The following SNTG1 variants were observed in gnomAD, a reference collection of about 807,000 sequenced individuals.
SNTG1 encodes syntrophin gamma 1.
SNTG1 carries 39 observed loss-of-function variants against 74.7 expected under a neutral mutation model. The ratio of observed to expected loss-of-function variants is 0.52; its 90% CI spans 0.40 to 0.68. The LOEUF (loss-of-function observed/expected upper bound fraction) is 0.68, where lower values mean the gene tolerates loss of function less well. Among genes scored for constraint, SNTG1 ranks in the 30% least tolerant of loss-of-function variants. The pLI, the probability that SNTG1 is intolerant of heterozygous loss-of-function variation, is 0.00. For missense variants in SNTG1, 685 were observed against 609.5 expected (o/e 1.12, Z -1.30); for synonymous variants, 254 against 217.1 (o/e 1.17, Z -1.49).
chr8:50,081,813 AG>A (rs1822442106), intron 1 of SNTG1, among the ~76,000 whole-genome samples: 1 of 151,946 alleles, frequency 6.6e-6, no homozygotes, highest in Admixed American at 6.6e-5. Flanking sequence ...TTGTATTTTT[AG>A]TAGAGAGGAG....
intron 2 of SNTG1, among the ~76,000 whole-genome samples, chr8:50,259,315 A>G (rs1214703203): frequency 6.6e-6 from 1 of 152,012 alleles, no homozygotes; most frequent in Non-Finnish European, 1.5e-5. Flanking sequence ...CCCGGCCAAC[A>G]TGGCAAAATT....
intron 9 of SNTG1, among the ~76,000 whole-genome samples, chr8:50,503,824 A>G: frequency 6.6e-6 from 1 of 152,218 alleles, no homozygotes; most frequent in East Asian, 1.9e-4. Context: ...GCTATAATAA[A>G]TAAAGCTGCT....
intron 2 of SNTG1, among the ~76,000 whole-genome samples, chr8:50,317,871 C>G (rs1025346877): frequency 4.6e-5 from 7 of 152,112 alleles, no homozygotes; most frequent in African/African-American, 1.7e-4. Flanking sequence ...GAGTCTCGCT[C>G]TGTCGCCCAG....
At chr8:50,138,423 G>T (rs962691900) in intron 1 of SNTG1, among the ~76,000 whole-genome samples, 2 of 151,626 alleles carry the variant, frequency 1.3e-5, no homozygotes, top group African/African-American at 2.4e-5. Flanking sequence ...TTCAATACCA[G>T]CCTGGCCAAT....
chr8:50,707,195 A>G (rs2095446178), intron 16 of SNTG1, among the ~76,000 whole-genome samples: 1 of 152,092 alleles, frequency 6.6e-6, no homozygotes. Context: ...AATGCTGAAC[A>G]TAATAAAAAA....
chr8:50,513,330 G>C (rs778420619), intron 9 of SNTG1, among the ~76,000 whole-genome samples: 2 of 152,192 alleles, frequency 1.3e-5, no homozygotes, highest in Non-Finnish European at 2.9e-5. Flanking sequence ...GCCCCTACTG[G>C]GGGGTGCCTC....
rs1446685451 is a variant in SNTG1, at chr8:50,389,320, A to G, written c.-27-4892A>G. 2.0e-5 allele frequency among the ~76,000 whole-genome samples: 3 copies of G among 152,156 alleles called. No homozygotes were observed. In the East Asian group the frequency reaches 5.8e-4, roughly 29 times the overall value. ...TGGGATTGCACAACTGAGCACATGA[A>G]TGATTGGTTATTGGAAACTATGTTT... On this transcript the variant is annotated intron_variant, in intron 2 of 18. Transcript: ENST00000642720.
intron 13 of SNTG1, among the ~76,000 whole-genome samples, chr8:50,648,027 A>T (rs1250597264): frequency 6.6e-6 from 1 of 152,150 alleles, no homozygotes; most frequent in East Asian, 1.9e-4. Flanking sequence ...CCTGGCAATG[A>T]TGGAAAAGGA....
intron 1 of SNTG1, among the ~76,000 whole-genome samples, chr8:50,116,278 CT>C (rs1047135090): frequency 6.6e-6 from 1 of 152,074 alleles, no homozygotes; most frequent in South Asian, 2.1e-4. Flanking sequence ...TTCCAAATGC[CT>C]TTTTTTCTAC....
At chr8:50,255,381 C>T (rs2086835352) in intron 2 of SNTG1, among the ~76,000 whole-genome samples, 1 of 152,152 alleles carries the variant, frequency 6.6e-6, no homozygotes, top group African/African-American at 2.4e-5. Context: ...ATCACACTTT[C>T]CAACCATGTC....
intron 2 of SNTG1, among the ~76,000 whole-genome samples, chr8:50,309,796 T>A (rs1296709840): frequency 1.3e-5 from 2 of 152,194 alleles, no homozygotes; most frequent in Non-Finnish European, 2.9e-5. Context: ...TTTTAAGACC[T>A]TAGAAGCTAA....
At chr8:50,774,622 C>T (rs971692954) in intron 18 of SNTG1, among the ~76,000 whole-genome samples, 5 of 151,672 alleles carry the variant, frequency 3.3e-5, no homozygotes, top group Non-Finnish European at 4.4e-5. Flanking sequence ...TGAATACACA[C>T]TTAGAAATAA....
chr8:50,376,953 G>A (rs532146149), intron 2 of SNTG1, among the ~76,000 whole-genome samples: 14 of 152,002 alleles, frequency 9.2e-5, no homozygotes, highest in Non-Finnish European at 1.9e-4. Flanking sequence ...CTTCTGGAAG[G>A]TCAAAAGGAA....
At chr8:50,570,934 C>T (rs906269188) in intron 12 of SNTG1, among the ~76,000 whole-genome samples, 60 of 152,110 alleles carry the variant, frequency 3.9e-4, no homozygotes, top group African/African-American at 1.3e-3. Context: ...AGAACCTCCA[C>T]ACAGTTTTCC....
intron 11 of SNTG1, among the ~76,000 whole-genome samples, chr8:50,547,103 A>G (rs1233970265): frequency 6.6e-6 from 1 of 152,090 alleles, no homozygotes; most frequent in East Asian, 1.9e-4. Context: ...ACTCAATGGC[A>G]AAAGTGCTCA....
intron 2 of SNTG1, among the ~76,000 whole-genome samples, chr8:50,370,518 G>A (rs1027728054): frequency 9.2e-5 from 14 of 152,068 alleles, no homozygotes; most frequent in Admixed American, 2.0e-4. Flanking sequence ...TAGGAGCAGC[G>A]CTCCATTTTC....
chr8:50,594,856 G>A (rs2094716142), intron 13 of SNTG1, among the ~76,000 whole-genome samples: 1 of 152,096 alleles, frequency 6.6e-6, no homozygotes, highest in Non-Finnish European at 1.5e-5. Flanking sequence ...AAACAGCTGA[G>A]TCTTGGTAAG....
chr8:50,664,621 T>C (rs1312246353), intron 15 of SNTG1, among the ~76,000 whole-genome samples: 2 of 152,158 alleles, frequency 1.3e-5, no homozygotes, highest in South Asian at 2.1e-4. Flanking sequence ...CTGGGCACCA[T>C]GATCACCTGC....
intron 8 of SNTG1, among the ~76,000 whole-genome samples, chr8:50,486,422 G>A (rs1419588453): frequency 7.1e-6 from 1 of 139,898 alleles, no homozygotes; most frequent in African/African-American, 2.7e-5. Flanking sequence ...TTGTGAATGG[G>A]AGTTCACTCA....
Sources: allele counts gnomAD v4.1 joint callset (sites outside exome capture counted in the v4.1 genomes callset), GRCh38; gene constraint gnomAD v4.1.1; transcripts MANE v1.5; gene names NCBI Gene and HGNC (gene_info 2026-07-23, HGNC 2026-07-21).